The following CLSTN2 variants were observed in gnomAD, a reference collection of about 807,000 sequenced individuals.
CLSTN2 encodes the protein calsyntenin-2.
Under a neutral mutation model 101.2 loss-of-function variants are expected in CLSTN2, and 48 were observed. The observed-to-expected ratio is 0.47, with a 90% CI of 0.38 to 0.60. CLSTN2 has a LOEUF of 0.60. Ranked by LOEUF, CLSTN2 falls within the 20% of genes least tolerant of loss-of-function variation. CLSTN2 has a pLI of 0.00. For synonymous variants in CLSTN2, 481 were observed against 463.6 expected, an observed-to-expected ratio of 1.04 and a Z score of -0.48; for missense variants, 1,160 against 1,238.2, an observed-to-expected ratio of 0.94 and a Z score of 0.95.
At chr3:140,059,510 T>TG (rs2008158847) in intron 1 of CLSTN2, among the ~76,000 whole-genome samples, 1 of 152,072 alleles carries the variant, frequency 6.6e-6, no homozygotes, top group Non-Finnish European at 1.5e-5. Flanking sequence ...GAGAGGGTTC[T>TG]GGGGGGCCAT....
rs372897466 is a variant in CLSTN2, at chr3:140,394,357, C to T, written c.233-9272C>T. ...TTCTTTTAGGCACTGACCTGTACTA[C>T]CTGCAATATCTTAAAATAGAAGCAC... On this transcript the variant is annotated intron_variant, in intron 2 of 16. Coordinates refer to ENST00000458420, the MANE Select transcript of CLSTN2 (RefSeq NM_022131.3). Among the ~76,000 whole-genome samples, 3 of 152,232 alleles carry T rather than the reference C, an allele frequency of 2.0e-5. No individual in the cohort carries two copies. In the South Asian group the frequency reaches 6.2e-4, roughly 32 times the overall value.
intron 1 of CLSTN2, among the ~76,000 whole-genome samples, chr3:139,953,644 A>G (rs1237321387): frequency 6.6e-6 from 1 of 152,116 alleles, no homozygotes; most frequent in African/African-American, 2.4e-5. Flanking sequence ...GCAGCATTCC[A>G]ACTCCCCCTT....
At chr3:140,007,616 C>T (rs934039381) in intron 1 of CLSTN2, among the ~76,000 whole-genome samples, 1 of 152,130 alleles carries the variant, frequency 6.6e-6, no homozygotes. Flanking sequence ...GGATTCCATC[C>T]ACCATCCCAC....
chr3:140,340,595 G>A (rs2087482737), intron 2 of CLSTN2, among the ~76,000 whole-genome samples: 1 of 152,088 alleles, frequency 6.6e-6, no homozygotes, highest in African/African-American at 2.4e-5. Context: ...GGTACAGAGA[G>A]TTATCATAAA....
At chr3:140,396,369 T>C (rs1559858061) in intron 2 of CLSTN2, among the ~76,000 whole-genome samples, 1 of 152,198 alleles carries the variant, frequency 6.6e-6, no homozygotes, top group Non-Finnish European at 1.5e-5. Context: ...ATTCAAAATA[T>C]TTCTGATGTT....
chr3:140,137,749 G>A (rs73868745), intron 1 of CLSTN2, among the ~76,000 whole-genome samples: 4,386 of 151,964 alleles, frequency 0.029, 121 homozygotes, highest in African/African-American at 0.074. Context: ...CTTAATTCTC[G>A]CCCAGCCCCA....
chr3:140,449,459 GC>G (rs1429629574), intron 6 of CLSTN2: 1 of 152,188 alleles, frequency 6.6e-6, no homozygotes, highest in Non-Finnish European at 1.5e-5. Flanking sequence ...AGGGTGAGGG[GC>G]TTAAGATACA....
intron 1 of CLSTN2, among the ~76,000 whole-genome samples, chr3:140,014,876 G>T (rs1335561235): frequency 2.6e-5 from 4 of 152,086 alleles, no homozygotes; most frequent in African/African-American, 2.4e-5. Context: ...AGTAAAGGAG[G>T]GACTTGATCT....
intron 2 of CLSTN2, among the ~76,000 whole-genome samples, chr3:140,336,068 G>T (rs1313478401): frequency 1.3e-5 from 2 of 152,134 alleles, no homozygotes; most frequent in Non-Finnish European, 2.9e-5. Context: ...GGATGAAGGA[G>T]CCGATTACTG....
At chr3:139,977,479 A>G (rs1935837943) in intron 1 of CLSTN2, among the ~76,000 whole-genome samples, 1 of 147,494 alleles carries the variant, frequency 6.8e-6, no homozygotes, top group Non-Finnish European at 1.5e-5. Flanking sequence ...TCTTGAGTAA[A>G]ATAAGGGCAT....
chr3:140,085,387 T>C (rs2008665118), intron 1 of CLSTN2, among the ~76,000 whole-genome samples: 1 of 152,196 alleles, frequency 6.6e-6, no homozygotes, highest in South Asian at 2.1e-4. Context: ...TCATTACATA[T>C]ACGTAAGCAG....
Position 140,566,299 on chromosome 3 carries a change from C to T in CLSTN2, c.*46C>T, listed in dbSNP as rs1175296680. 2.0e-6 allele frequency: 3 copies of T among 1,529,142 alleles called. No individual in the cohort carries two copies. In the South Asian group the frequency reaches 3.6e-5, roughly 18 times the overall value. 94.7% of individuals were successfully genotyped at this position (1,529,142 alleles called of 1,614,324 possible). On this transcript the variant is annotated 3_prime_UTR_variant, in exon 17 of 17. Transcript: ENST00000458420. ...GGCCCACATGTCCCTTTTGTAAACC[C>T]TGACCCAGTGTATGCCCATGTCTAT...
At chr3:140,189,518 A>G (rs1048344334) in intron 2 of CLSTN2, among the ~76,000 whole-genome samples, 16 of 152,176 alleles carry the variant, frequency 1.1e-4, no homozygotes, top group African/African-American at 3.1e-4. Flanking sequence ...ATGTTTTTAC[A>G]TATGCTTATT....
At chr3:140,211,977 C>T (rs1290154369) in intron 2 of CLSTN2, among the ~76,000 whole-genome samples, 1 of 152,198 alleles carries the variant, frequency 6.6e-6, no homozygotes, top group Non-Finnish European at 1.5e-5. Context: ...TCTAAACCTG[C>T]ATAGATTTTC....
intron 1 of CLSTN2, among the ~76,000 whole-genome samples, chr3:140,061,479 A>G (rs2008203759): frequency 6.6e-6 from 1 of 152,190 alleles, no homozygotes. Context: ...GATTTCACAC[A>G]GGAAGCTGGC....
chr3:140,396,226 T>C (rs986842868), intron 2 of CLSTN2, among the ~76,000 whole-genome samples: 5 of 152,150 alleles, frequency 3.3e-5, no homozygotes, highest in African/African-American at 1.2e-4. Flanking sequence ...GTGGGAGCAG[T>C]GCTGGCCCTC....
chr3:140,011,822 A>C (rs1466607060), intron 1 of CLSTN2, among the ~76,000 whole-genome samples: 1 of 151,862 alleles, frequency 6.6e-6, no homozygotes, highest in East Asian at 2.0e-4. Context: ...AATTGCTGAC[A>C]CCAGGGTCCC....
At chr3:140,237,419 T>C (rs1193636027) in intron 2 of CLSTN2, among the ~76,000 whole-genome samples, 2 of 152,206 alleles carry the variant, frequency 1.3e-5, no homozygotes, top group Non-Finnish European at 2.9e-5. Context: ...AGTTTTCTCA[T>C]GTGCATCTTC....
Position 140,546,501 on chromosome 3 carries a change from G to A in CLSTN2, c.1508-14G>A. 1.2e-6 allele frequency: 2 copies of A among 1,612,892 alleles called. No homozygotes were observed. Among genetic ancestry groups the A allele is most frequent in the Non-Finnish European group, 8.5e-7 (1 of 1,179,342 alleles). On this transcript the variant is annotated splice_polypyrimidine_tract_variant and intron_variant, in intron 9 of 16. Coordinates refer to ENST00000458420, the MANE Select transcript of CLSTN2 (RefSeq NM_022131.3). ...CAGTCTTCACAGGGCAAATGATGGT[G>A]TTTGTTTTTTCAGGAGGAGAAGTCA...
Sources: allele counts gnomAD v4.1 joint callset (sites outside exome capture counted in the v4.1 genomes callset), GRCh38; gene constraint gnomAD v4.1.1; transcripts MANE v1.5; gene names NCBI Gene and HGNC (gene_info 2026-07-23, HGNC 2026-07-21).